Variants in EYS observed in about 807,000 individuals in gnomAD.
EYS encodes protein eyes shut homolog.
A neutral mutation model predicts 282.1 loss-of-function variants in EYS; 250 were observed. That is an observed-to-expected ratio of 0.89 (90% CI 0.80 to 0.98). The LOEUF (loss-of-function observed/expected upper bound fraction) is 0.98, where lower values mean the gene tolerates loss of function less well. EYS is among the 50% of genes least tolerant of loss of function. EYS has a pLI of 0.00. For synonymous variants in EYS, 1,355 were observed against 1,282.9 expected (o/e 1.06, Z -1.20); for missense variants, 4,016 against 3,709.0 (o/e 1.08, Z -2.15).
At chr6:63,726,439 A>C (rs1053211663) in intron 42 of EYS, 80 bp downstream of exon 42, 33 of 1,198,722 alleles carry the variant, frequency 2.8e-5, no homozygotes, top group Non-Finnish European at 3.7e-5. Context: ...TTTAAATACT[A>C]GGTGACACAA....
intron 26 of EYS, among the ~76,000 whole-genome samples, chr6:64,554,887 A>C (rs1765190972): frequency 6.6e-6 from 1 of 151,984 alleles, no homozygotes; most frequent in Non-Finnish European, 1.5e-5. Context: ...TGTTGGAGAG[A>C]ATGTGGAGAA....
intron 8 of EYS, among the ~76,000 whole-genome samples, chr6:65,383,688 C>A (rs1765700406): frequency 6.6e-6 from 1 of 151,612 alleles, no homozygotes; most frequent in Non-Finnish European, 1.5e-5. Flanking sequence ...TCAGATAAAG[C>A]TGGTGTGTGT....
chr6:64,455,877 A>T (rs76925350), intron 26 of EYS, among the ~76,000 whole-genome samples: 4,705 of 152,192 alleles, frequency 0.031, 229 homozygotes, highest in African/African-American at 0.11. Context: ...TTTAACATTA[A>T]TTACGTTTGT....
intron 29 of EYS, among the ~76,000 whole-genome samples, chr6:64,356,244 A>T (rs1024174213): frequency 6.6e-6 from 1 of 151,326 alleles, no homozygotes; most frequent in Non-Finnish European, 1.5e-5. Context: ...AGGTGTGTAT[A>T]TTTATGGGGT....
chr6:64,391,916 A>G (rs1159153299), intron 28 of EYS, among the ~76,000 whole-genome samples: 1 of 152,138 alleles, frequency 6.6e-6, no homozygotes, highest in Non-Finnish European at 1.5e-5. Flanking sequence ...GCTCAAAATA[A>G]AAGGATGGAG....
chr6:65,168,479 A>T (rs9453213), intron 12 of EYS, among the ~76,000 whole-genome samples: 17,984 of 151,142 alleles, frequency 0.12, 1,386 homozygotes, highest in African/African-American at 0.22. Flanking sequence ...CTATCTCTTC[A>T]CTGTCTCTTC....
intron 29 of EYS, among the ~76,000 whole-genome samples, chr6:64,315,694 G>A (rs1268618730): frequency 6.7e-6 from 1 of 148,642 alleles, no homozygotes; most frequent in African/African-American, 2.5e-5. Context: ...GGATAAAAAG[G>A]GAAACCTCCC....
At chr6:65,316,823 G>A (rs550103021) in intron 11 of EYS, among the ~76,000 whole-genome samples, 1 of 152,216 alleles carries the variant, frequency 6.6e-6, no homozygotes, top group African/African-American at 2.4e-5. Flanking sequence ...CCTTTGTTGT[G>A]GCTGCATAGT....
chr6:64,936,784 C>T (rs1768920131), intron 15 of EYS, among the ~76,000 whole-genome samples: 1 of 141,734 alleles, frequency 7.1e-6, no homozygotes, highest in Non-Finnish European at 1.6e-5. Context: ...AATAAAATCT[C>T]TATTAAAGTT....
At chr6:63,787,597 CTTTGA>C (rs528693758) in intron 39 of EYS, among the ~76,000 whole-genome samples, 88 of 152,250 alleles carry the variant, frequency 5.8e-4, no homozygotes, top group African/African-American at 2.0e-3. Flanking sequence ...GTGCAGAAAT[CTTTGA>C]TTTGTTCATT....
chr6:65,083,390 T>A (rs1331342147), intron 12 of EYS, among the ~76,000 whole-genome samples: 1 of 152,024 alleles, frequency 6.6e-6, no homozygotes, highest in South Asian at 2.1e-4. Context: ...ATTGATAATA[T>A]AAAAATCTAT....
chr6:63,800,283 T>G (rs565783944), intron 37 of EYS, among the ~76,000 whole-genome samples: 2 of 152,314 alleles, frequency 1.3e-5, no homozygotes, highest in East Asian at 3.9e-4. Context: ...TAACAAAACT[T>G]TAAGTACCTG....
Position 64,066,477 on chromosome 6 carries a change from A to G in EYS, c.6586T>C (p.Cys2196Arg). 1 of 1,537,474 alleles carries G rather than the reference A, an allele frequency of 6.5e-7. No homozygotes were observed. Among genetic ancestry groups the G allele is most frequent in the Non-Finnish European group, 8.8e-7 (1 of 1,135,152 alleles). The change falls in exon 33 of 43, where the codon TGT becomes CGT. Residue 2196 changes from cysteine to arginine, a missense_variant. Physicochemically the swap from Cys to Arg is radical, Grantham distance 180. Coordinates refer to ENST00000503581, the MANE Select transcript of EYS (RefSeq NM_001142800.2). ...GTILYSNGNN[C>R]GKQFLHLFLV... ...AATAAATGAAGAAACTGCTTTCCAC[A>G]ATTATTCCCATTACCTTTAAGAAAA...
At chr6:63,944,997 G>GT (rs1765353619) in intron 35 of EYS, among the ~76,000 whole-genome samples, 2 of 151,836 alleles carry the variant, frequency 1.3e-5, no homozygotes, top group Admixed American at 1.3e-4. Flanking sequence ...GATCACTTTA[G>GT]TAAAAAAAAA....
chr6:64,159,559 TAAAAAAAAAAAAAAAAAAAA>T, intron 31 of EYS, among the ~76,000 whole-genome samples: 1 of 59,944 alleles, frequency 1.7e-5, no homozygotes, highest in East Asian at 5.0e-4. Context: ...GACTCTGTCT[TAAAAAAAAAAAAAAAAAAAA>T]AAAAAAAAGT....
At chr6:64,168,731 T>C (rs1764379474) in intron 31 of EYS, among the ~76,000 whole-genome samples, 2 of 152,188 alleles carry the variant, frequency 1.3e-5, no homozygotes, top group African/African-American at 4.8e-5. Context: ...TAAGGATTAC[T>C]TGGGGTAAGG....
At chr6:65,100,532 T>C (rs988903710) in intron 12 of EYS, among the ~76,000 whole-genome samples, 1 of 150,602 alleles carries the variant, frequency 6.6e-6, no homozygotes, top group Non-Finnish European at 1.5e-5. Context: ...TTTGGAAAAA[T>C]TGCTAAAGGT....
chr6:63,722,221 T>A (rs961398115), intron 42 of EYS, among the ~76,000 whole-genome samples: 9 of 152,066 alleles, frequency 5.9e-5, no homozygotes, highest in Non-Finnish European at 1.2e-4. Flanking sequence ...ATCCTTACAC[T>A]CTCTTTACTT....
At position 64,591,836 on chromosome 6, in the gene EYS, T is replaced by A; in HGVS notation, c.4031A>T (p.Asp1344Val). 1 of 1,551,278 alleles carries A rather than the reference T, an allele frequency of 6.4e-7. No homozygotes were observed. The highest frequency in any genetic ancestry group is 8.7e-7 in the Non-Finnish European group (1 of 1,146,718). ...SAKHSLLSSA[D>V]VSSSRFLNFG... ...ATTCAGGAATCGAGAAGAGGAAACA[T>A]CTGCGGAAGAAAGAAGACTGTGTTT... The change falls in exon 26 of 43, where the codon GAT becomes GTT. Residue 1344 changes from aspartate (D) to valine (V), a missense_variant. Physicochemically the swap from Asp to Val is radical, Grantham distance 152 (BLOSUM62 -3). Coordinates refer to ENST00000503581, the MANE Select transcript of EYS (RefSeq NM_001142800.2).
Sources: gnomAD v4.1 joint callset for allele counts (sites outside exome capture counted in the v4.1 genomes callset) on GRCh38, gnomAD v4.1.1 for gene constraint, MANE v1.5 for transcripts, NCBI Gene and HGNC (gene_info 2026-07-23, HGNC 2026-07-21) for gene names.